The following FGF7 variants were observed in gnomAD, a reference collection of about 807,000 sequenced individuals.
The protein encoded by FGF7 is FGF-7.
A neutral mutation model predicts 20.5 loss-of-function variants in FGF7; 6 were observed. The observed-to-expected ratio is 0.29, with a 90% CI of 0.16 to 0.58. The LOEUF (loss-of-function observed/expected upper bound fraction) is 0.58, where lower values mean the gene tolerates loss of function less well. Among genes scored for constraint, FGF7 ranks in the 20% least tolerant of loss-of-function variants. The probability of loss-of-function intolerance (pLI) is 0.90; values close to 1 mark genes in which losing one functional copy is unlikely to be tolerated. For missense variants in FGF7, 144 were observed against 228.8 expected, an observed-to-expected ratio of 0.63 and a Z score of 2.39; for synonymous variants, 64 against 74.7, an observed-to-expected ratio of 0.86 and a Z score of 0.74.
chr15:49,465,181 G>A (rs2054153099), intron 2 of FGF7, among the ~76,000 whole-genome samples: 2 of 152,038 alleles, frequency 1.3e-5, no homozygotes, highest in South Asian at 4.1e-4. Context: ...TCAGGCTAGA[G>A]TGCAGTAACA....
At chr15:49,445,148 A>T (rs1427306169) in intron 2 of FGF7, among the ~76,000 whole-genome samples, 1 of 151,534 alleles carries the variant, frequency 6.6e-6, no homozygotes, top group Non-Finnish European at 1.5e-5. Context: ...AGATTCAGGG[A>T]GTACATGTGT....
Position 49,487,831 on chromosome 15 carries a change from A to C in FGF7, c.*3327A>C, listed in dbSNP as rs1315503437. ...GTTAATATGACAATGTCTGCAATTA[A>C]ACACCAGTAAGCAAAATTGATACAT... is the stretch of plus-strand genomic sequence containing the variant. On this transcript the variant is annotated 3_prime_UTR_variant, in exon 4 of 4. Transcript: ENST00000267843. 1 of 151,970 alleles carries C rather than the reference A, an allele frequency of 6.6e-6. No homozygotes were observed. Among genetic ancestry groups the C allele is most frequent in the Non-Finnish European group, 1.5e-5 (1 of 67,926 alleles). The allele number at this position is 151,970 out of a possible 1,614,324, so 9.4% of individuals were successfully genotyped here.
chr15:49,463,008 G>C (rs1374450679), intron 2 of FGF7, among the ~76,000 whole-genome samples: 1 of 152,158 alleles, frequency 6.6e-6, no homozygotes, highest in African/African-American at 2.4e-5. Context: ...TAAAGAGTTT[G>C]TGTCTTAAAT....
At chr15:49,465,999 A>T (rs2054236097) in intron 2 of FGF7, among the ~76,000 whole-genome samples, 2 of 152,326 alleles carry the variant, frequency 1.3e-5, no homozygotes, top group Admixed American at 1.3e-4. Flanking sequence ...TCTACAACCT[A>T]GATTTAAAAA....
At chr15:49,480,642 C>T (rs1226264620) in intron 2 of FGF7, among the ~76,000 whole-genome samples, 7 of 151,970 alleles carry the variant, frequency 4.6e-5, no homozygotes, top group Admixed American at 2.0e-4. Context: ...CCACCACACC[C>T]GGATAATTTT....
rs1233141577 is a variant in FGF7, at chr15:49,488,687, T to C, written c.*4183T>C. ...ATGTGAGATGAAAATAACATTTCAC[T>C]TATGAAAAACCCTTCTCTTGATGAA... On this transcript the variant is annotated 3_prime_UTR_variant, in exon 4 of 4. Transcript: ENST00000267843. 6.6e-5 allele frequency: 10 copies of C among 152,170 alleles called. No homozygotes were observed. Among genetic ancestry groups the C allele is most frequent in the Non-Finnish European group, 1.5e-5 (1 of 67,936 alleles). The allele number at this position is 152,170 out of a possible 1,614,324, so 9.4% of individuals were successfully genotyped here.
At chr15:49,447,628 T>A (rs1343203613) in intron 2 of FGF7, among the ~76,000 whole-genome samples, 1 of 151,712 alleles carries the variant, frequency 6.6e-6, no homozygotes, top group African/African-American at 2.4e-5. Flanking sequence ...GGTAAATTTA[T>A]GCAAATTGAT....
chr15:49,459,271 G>C (rs956959202), intron 2 of FGF7, among the ~76,000 whole-genome samples: 1 of 152,128 alleles, frequency 6.6e-6, no homozygotes, highest in African/African-American at 2.4e-5. Context: ...GGAGGAGTAG[G>C]CTCCCAATAG....
At chr15:49,464,895 A>C (rs2054126943) in intron 2 of FGF7, among the ~76,000 whole-genome samples, 1 of 152,236 alleles carries the variant, frequency 6.6e-6, no homozygotes, top group African/African-American at 2.4e-5. Flanking sequence ...GAATAACGTA[A>C]GACATACATG....
rs764278568 is a variant in FGF7 at position 49,424,374 on chromosome 15, G to C, written c.77G>C (p.Gly26Ala). ...TGCTTTCACATTATCTGTCTAGTGGGTACTATATCTTTAGCTTGCAATGAC... is the reference window on the plus strand; with the variant it reads ...TGCTTTCACATTATCTGTCTAGTGGCTACTATATCTTTAGCTTGCAATGAC... ...RSCFHIICLVGTISLACNDMT... is the reference protein window; with the variant it reads ...RSCFHIICLVATISLACNDMT... Residue 26 changes from glycine to alanine, a missense_variant, in exon 2 of 4, where the codon GGT (glycine) becomes GCT (alanine). Physicochemically the swap from Gly to Ala is moderately conservative, Grantham distance 60 (BLOSUM62 0). Coordinates refer to ENST00000267843, the MANE Select transcript of FGF7 (RefSeq NM_002009.4). The C allele has an allele frequency of 1.2e-6, 2 of 1,613,572 alleles. No homozygotes were observed. Among genetic ancestry groups the C allele is most frequent in the East Asian group, 2.2e-5 (1 of 44,848 alleles).
At chr15:49,480,036 G>A (rs1283855352) in intron 2 of FGF7, among the ~76,000 whole-genome samples, 4 of 152,180 alleles carry the variant, frequency 2.6e-5, no homozygotes, top group Non-Finnish European at 5.9e-5. Flanking sequence ...GAATAAAAGA[G>A]GGTTGTAGGA....
At chr15:49,480,567 C>T (rs1349399298) in intron 2 of FGF7, among the ~76,000 whole-genome samples, 3 of 151,078 alleles carry the variant, frequency 2.0e-5, no homozygotes, top group Non-Finnish European at 2.9e-5. Flanking sequence ...CTGCAGCCTC[C>T]GCCTTCTGGG....
At chr15:49,470,660 T>G (rs2054657776) in intron 2 of FGF7, among the ~76,000 whole-genome samples, 1 of 152,152 alleles carries the variant, frequency 6.6e-6, no homozygotes, top group South Asian at 2.1e-4. Context: ...GGCCTGGAAG[T>G]TGAAAAAATG....
At chr15:49,444,486 T>A (rs576213588) in intron 2 of FGF7, among the ~76,000 whole-genome samples, 21 of 151,878 alleles carry the variant, frequency 1.4e-4, no homozygotes, top group African/African-American at 5.1e-4. Context: ...AGAAATAACA[T>A]TGAAATTATC....
intron 2 of FGF7, among the ~76,000 whole-genome samples, chr15:49,445,237 T>C (rs1026670052): frequency 2.6e-5 from 4 of 151,662 alleles, no homozygotes; most frequent in Non-Finnish European, 4.4e-5. Context: ...CTGAGCATAG[T>C]ACCCAATAGT....
Position 49,440,342 on chromosome 15 carries a change from G to T in FGF7, c.286+15759G>T, listed in dbSNP as rs1326793966. ...GTTGATATATTTCTTATAAGTAAAA[G>T]AGTCATCATAGAGGGGTAGAATATT... On this transcript the variant is annotated intron_variant, in intron 2 of 3. Transcript: ENST00000267843. Among the ~76,000 whole-genome samples, 3 of 151,636 alleles carry T rather than the reference G, an allele frequency of 2.0e-5. No individual in the cohort carries two copies. In the East Asian group the frequency reaches 5.8e-4, roughly 30 times the overall value.
Position 49,424,146 on chromosome 15 carries a change from G to C in FGF7, c.-152G>C. On this transcript the variant is annotated 5_prime_UTR_variant, in exon 2 of 4. Coordinates refer to ENST00000267843, the MANE Select transcript of FGF7 (RefSeq NM_002009.4). Reference sequence around the variant, plus strand: ...CCTGTGTTGTTATCAGGAACTAAAAGGATAAGGCTAACAATTTGGAAAGAG... The same window carrying C: ...CCTGTGTTGTTATCAGGAACTAAAACGATAAGGCTAACAATTTGGAAAGAG... 1 of 632,520 alleles carries C rather than the reference G, an allele frequency of 1.6e-6. No individual in the cohort carries two copies. The highest frequency in any genetic ancestry group is 2.7e-6 in the Non-Finnish European group (1 of 367,420). The allele number at this position is 632,520 out of a possible 1,614,324, so 39.2% of individuals were successfully genotyped here. A position where few individuals can be genotyped will look rare whatever the true frequency, so the allele number is the denominator to read the frequency against.
chr15:49,479,597 C>CTTTTTTTTTTT (rs1567359064), intron 2 of FGF7, among the ~76,000 whole-genome samples: 2 of 102,078 alleles, frequency 2.0e-5, no homozygotes, highest in African/African-American at 4.2e-5. Context: ...GTTAATACCT[C>CTTTTTTTTTTT]TGTTTTTTTT....
intron 2 of FGF7, among the ~76,000 whole-genome samples, chr15:49,431,315 C>T (rs1220365451): frequency 6.6e-6 from 1 of 151,754 alleles, no homozygotes. Flanking sequence ...AGTTTTTTAT[C>T]TGCATTTGAG....
Sources: allele counts gnomAD v4.1 joint callset (sites outside exome capture counted in the v4.1 genomes callset), GRCh38; gene constraint gnomAD v4.1.1; transcripts MANE v1.5; gene names NCBI Gene and HGNC (gene_info 2026-07-23, HGNC 2026-07-21).